The following ROBO1 variants were observed in gnomAD, a reference collection of about 807,000 sequenced individuals.
ROBO1 encodes roundabout homolog 1.
In ROBO1, 149 loss-of-function variants were observed where a neutral mutation model predicts 195.9. The ratio of observed to expected loss-of-function variants is 0.76; its 90% CI spans 0.67 to 0.87. ROBO1 has a LOEUF of 0.87. Ranked by LOEUF, ROBO1 falls within the 40% of genes least tolerant of loss-of-function variation. The pLI is 0.00. For missense variants in ROBO1, 1,933 were observed against 2,068.3 expected (o/e 0.93, Z 1.27); for synonymous variants, 816 against 733.2 (o/e 1.11, Z -1.82).
intron 1 of ROBO1, among the ~76,000 whole-genome samples, chr3:79,700,236 T>TA (rs1331907977): frequency 1.3e-5 from 2 of 151,644 alleles, no homozygotes; most frequent in East Asian, 1.9e-4. Flanking sequence ...CAGTGATAGG[T>TA]AGCTAGGTTG....
intron 4 of ROBO1, among the ~76,000 whole-genome samples, chr3:78,764,553 C>T (rs114289916): frequency 0.02 from 3,081 of 152,198 alleles, 92 homozygotes; most frequent in Admixed American, 0.05. Flanking sequence ...CACTGTGGAG[C>T]GGCTGCTTAT....
At chr3:79,725,405 T>G (rs1338801701) in intron 1 of ROBO1, among the ~76,000 whole-genome samples, 1 of 151,672 alleles carries the variant, frequency 6.6e-6, no homozygotes, top group African/African-American at 2.4e-5. Flanking sequence ...TTTTTGTATT[T>G]TTAGTAGAGA....
At chr3:78,647,377 A>C (rs1205411175) in intron 20 of ROBO1, among the ~76,000 whole-genome samples, 1 of 152,064 alleles carries the variant, frequency 6.6e-6, no homozygotes, top group Non-Finnish European at 1.5e-5. Flanking sequence ...GTGTCTACTT[A>C]ATGAAACACA....
At chr3:79,192,512 C>T (rs1044222488) in intron 2 of ROBO1, among the ~76,000 whole-genome samples, 1 of 151,546 alleles carries the variant, frequency 6.6e-6, no homozygotes, top group African/African-American at 2.4e-5. Flanking sequence ...GAGGTATGAG[C>T]TGAGATACAA....
intron 2 of ROBO1, among the ~76,000 whole-genome samples, chr3:79,219,871 T>C (rs2082108463): frequency 6.6e-6 from 1 of 152,032 alleles, no homozygotes; most frequent in South Asian, 2.1e-4. Flanking sequence ...TTTGATCATC[T>C]AAAGTCATAA....
chr3:78,601,051 T>G (rs188737922), intron 29 of ROBO1, among the ~76,000 whole-genome samples: 3 of 152,256 alleles, frequency 2.0e-5, no homozygotes, highest in Admixed American at 1.3e-4. Context: ...AATTTGGTGC[T>G]ACTTCTACTG....
At chr3:79,504,001 C>G (rs974332301) in intron 2 of ROBO1, among the ~76,000 whole-genome samples, 1 of 152,110 alleles carries the variant, frequency 6.6e-6, no homozygotes, top group African/African-American at 2.4e-5. Flanking sequence ...GGTCTGGACT[C>G]TTGAGTTTCA....
At chr3:79,370,394 T>C (rs746589438) in intron 2 of ROBO1, among the ~76,000 whole-genome samples, 7 of 152,004 alleles carry the variant, frequency 4.6e-5, no homozygotes, top group Non-Finnish European at 8.8e-5. Flanking sequence ...CAACTAACTT[T>C]TTCATGTTAT....
Position 79,053,481 on chromosome 3 carries a change from G to A in ROBO1, c.172+71975C>T, listed in dbSNP as rs150738960. ...CTTTAAACCTCCGGAGTCAGCTAAT[G>A]GCTCCAGGACCAAACTAAAATTTAC... On this transcript the variant is annotated intron_variant, in intron 3 of 30. Transcript: ENST00000464233. Among the ~76,000 whole-genome samples, 666 of 152,034 alleles carry A rather than the reference G, an allele frequency of 4.4e-3. 11 individuals are homozygous for A. The highest frequency in any genetic ancestry group is 0.015 in the African/African-American group (619 of 41,488).
At chr3:79,560,151 C>G (rs576190755) in intron 2 of ROBO1, among the ~76,000 whole-genome samples, 1 of 151,692 alleles carries the variant, frequency 6.6e-6, no homozygotes, top group East Asian at 1.9e-4. Context: ...ATGTCAGGAC[C>G]CATTAGAAAT....
chr3:79,640,591 G>C (rs1945630060), intron 1 of ROBO1, among the ~76,000 whole-genome samples: 1 of 152,046 alleles, frequency 6.6e-6, no homozygotes, highest in African/African-American at 2.4e-5. Flanking sequence ...CTTAAGGCCT[G>C]ACTTCAATTT....
intron 2 of ROBO1, among the ~76,000 whole-genome samples, chr3:79,381,373 A>AAG (rs1553730431): frequency 1.7e-5 from 2 of 115,426 alleles, no homozygotes; most frequent in African/African-American, 6.7e-5. Flanking sequence ...AAAAAAAAAA[A>AAG]AAAAGAAAAG....
rs528753002 is a variant in ROBO1, at chr3:79,654,069, T to C, written c.-50-64108A>G. On this transcript the variant is annotated intron_variant, in intron 1 of 30. Coordinates refer to ENST00000464233, the MANE Select transcript of ROBO1 (RefSeq NM_002941.4). ...TGAATTTACTTTGTATGTCTAACTG[T>C]TTAGATGGGCATACAAATAAGTTAC... is the stretch of plus-strand genomic sequence containing the variant. Among the ~76,000 whole-genome samples, 3 of 152,124 alleles carry C rather than the reference T, an allele frequency of 2.0e-5. No homozygotes were observed. In the East Asian group the frequency reaches 5.8e-4, roughly 29 times the overall value.
chr3:79,393,116 C>G (rs887549644), intron 2 of ROBO1, among the ~76,000 whole-genome samples: 2 of 152,224 alleles, frequency 1.3e-5, no homozygotes, highest in Non-Finnish European at 2.9e-5. Context: ...CTGGGCCTGC[C>G]TTCCATACTT....
rs147805506 is a variant in ROBO1 at position 78,782,251 on chromosome 3, T to C, written c.500-35351A>G. Among the ~76,000 whole-genome samples the C allele has an allele frequency of 2.9e-3, 437 of 152,098 alleles. 5 individuals carry two copies. Among genetic ancestry groups the C allele is most frequent in the African/African-American group, 9.7e-3 (401 of 41,498 alleles). On this transcript the variant is annotated intron_variant, in intron 4 of 30. Transcript: ENST00000464233. ...TTGCACTGTTGTCCAGACTGGAGTG[T>C]AGCAGTACAGTCTCAGCTCTCTGTA... is the stretch of plus-strand genomic sequence containing the variant.
intron 21 of ROBO1, among the ~76,000 whole-genome samples, chr3:78,641,579 T>C (rs903279292): frequency 3.3e-5 from 5 of 152,220 alleles, no homozygotes; most frequent in Admixed American, 1.3e-4. Flanking sequence ...GAATTCTGCA[T>C]CTAGTAATCT....
At chr3:78,799,576 C>A (rs527652265) in intron 4 of ROBO1, among the ~76,000 whole-genome samples, 1 of 151,996 alleles carries the variant, frequency 6.6e-6, no homozygotes, top group South Asian at 2.1e-4. Flanking sequence ...CTCCTGACCT[C>A]GTGATCCACC....
At chr3:79,212,030 A>G (rs952374815) in intron 2 of ROBO1, among the ~76,000 whole-genome samples, 1 of 152,210 alleles carries the variant, frequency 6.6e-6, no homozygotes, top group African/African-American at 2.4e-5. Context: ...AAATAAAGGG[A>G]TGGGCTCTGG....
At chr3:79,264,252 C>T (rs2082993440) in intron 2 of ROBO1, among the ~76,000 whole-genome samples, 2 of 151,908 alleles carry the variant, frequency 1.3e-5, no homozygotes, top group African/African-American at 4.8e-5. Flanking sequence ...CAGTACAATT[C>T]CTTTGCACAT....
Sources: gnomAD v4.1 joint callset for allele counts (sites outside exome capture counted in the v4.1 genomes callset) on GRCh38, gnomAD v4.1.1 for gene constraint, MANE v1.5 for transcripts, NCBI Gene and HGNC (gene_info 2026-07-23, HGNC 2026-07-21) for gene names.